The following ADGRD1 variants were observed in gnomAD, a reference collection of about 807,000 sequenced individuals.
The protein encoded by ADGRD1 is G-protein coupled receptor 133.
Under a neutral mutation model 113.4 loss-of-function variants are expected in ADGRD1, and 77 were observed. That is an observed-to-expected ratio of 0.68 (90% confidence interval 0.57 to 0.82). The LOEUF (loss-of-function observed/expected upper bound fraction) is 0.82, where lower values mean the gene tolerates loss of function less well. ADGRD1 is among the 40% of genes least tolerant of loss of function. The probability of loss-of-function intolerance (pLI) is 0.00; values close to 1 mark genes in which losing one functional copy is unlikely to be tolerated. For missense variants in ADGRD1, 1,036 were observed against 1,139.1 expected (o/e 0.91, Z 1.30); for synonymous variants, 474 against 475.0 (o/e 1.00, Z 0.03).
chr12:131,047,546 A>G (rs990837718), intron 13 of ADGRD1, among the ~76,000 whole-genome samples: 2 of 152,220 alleles, frequency 1.3e-5, no homozygotes, highest in African/African-American at 4.8e-5. Context: ...AGGCAGTGAC[A>G]TAATGTGCAA....
chr12:130,987,158 A>G lies in ADGRD1; in HGVS notation c.554A>G (p.Asn185Ser). Residue 185 changes from asparagine to serine, a missense_variant, in exon 6 of 25, where the codon AAC becomes AGC. Coordinates refer to ENST00000261654, the MANE Select transcript of ADGRD1 (RefSeq NM_198827.5). ...KSKEGLKVYV[N>S]GTLSTSDPSG... ...AAGGAGGGCCTGAAAGTCTACGTCA[A>G]CGGGACCCTGAGCACCTCTGATCCG... 2 of 1,614,122 alleles carry G rather than the reference A, an allele frequency of 1.2e-6. No individual in the cohort carries two copies. Among genetic ancestry groups the G allele is most frequent in the East Asian group, 2.2e-5 (1 of 44,890 alleles).
intron 8 of ADGRD1, chr12:130,994,363 A>T (rs1874909311): frequency 2.9e-6 from 1 of 340,932 alleles, no homozygotes; most frequent in Non-Finnish European, 6.2e-6. Context: ...GTTAGCACTT[A>T]GTAAACACTC....
chr12:130,968,180 G>A (rs987220633), intron 3 of ADGRD1: 1 of 152,116 alleles, frequency 6.6e-6, no homozygotes, highest in African/African-American at 2.4e-5. Context: ...GTAACTCTTG[G>A]TGCTTTGAAA....
At chr12:130,986,338 A>G (rs1873673080) in intron 5 of ADGRD1, among the ~76,000 whole-genome samples, 1 of 152,178 alleles carries the variant, frequency 6.6e-6, no homozygotes. Flanking sequence ...TCAGAGTTAT[A>G]TAGTTTTCTT....
chr12:130,983,473 A>C (rs146172951), intron 5 of ADGRD1, among the ~76,000 whole-genome samples: 218 of 152,270 alleles, frequency 1.4e-3, no homozygotes, highest in African/African-American at 4.0e-3. Context: ...TAAGCAGCTT[A>C]TCTCTCTGCT....
chr12:130,971,256 TTAA>T lies in ADGRD1; in HGVS notation c.188-197_188-195del, dbSNP rs1299305196. 6 of 264,322 alleles carry T rather than the reference TTAA, an allele frequency of 2.3e-5. No individual in the cohort carries two copies. The South Asian group carries it at 3.0e-4, about 13-fold the overall frequency. The allele number at this position is 264,322 out of a possible 1,614,324, so 16.4% of individuals were successfully genotyped here. On this transcript the variant is annotated intron_variant, in intron 3 of 24. Coordinates refer to ENST00000261654, the MANE Select transcript of ADGRD1 (RefSeq NM_198827.5). The surrounding 1 kb of genome is among the most constrained non-coding windows in gnomAD (Gnocchi z 4.2). ...ATTAAATTTTTATCTGACATACACA[TTAA>T]TAATTTACAATTTAATTACTAATAA...
chr12:131,067,616 G>A (rs1256458350), intron 13 of ADGRD1, among the ~76,000 whole-genome samples: 2 of 138,344 alleles, frequency 1.4e-5, no homozygotes, highest in Non-Finnish European at 3.2e-5. Flanking sequence ...ATGTCTGATC[G>A]CTGTGCCCCT....
intron 13 of ADGRD1, among the ~76,000 whole-genome samples, chr12:131,037,136 G>A (rs61936926): frequency 0.1 from 12,865 of 128,432 alleles, 1,012 homozygotes; most frequent in Non-Finnish European, 0.15. Flanking sequence ...TCACTGCACC[G>A]GGCCTCACTC....
chr12:131,083,944 T>C (rs1489170517), intron 14 of ADGRD1, among the ~76,000 whole-genome samples: 1 of 152,208 alleles, frequency 6.6e-6, no homozygotes, highest in Admixed American at 6.5e-5. Flanking sequence ...TCGTGGGAAG[T>C]GTGTGGTGCT....
intron 4 of ADGRD1, among the ~76,000 whole-genome samples, chr12:130,972,335 C>T (rs1336324513): frequency 2.6e-5 from 4 of 152,180 alleles, no homozygotes; most frequent in Admixed American, 6.5e-5. Context: ...AAGCTTAATG[C>T]AGTCCTCGTA....
At position 131,003,171 on chromosome 12, in the gene ADGRD1, T is replaced by C; in HGVS notation, c.1027-14T>C. On this transcript the variant is annotated splice_polypyrimidine_tract_variant and intron_variant, in intron 9 of 24. Transcript: ENST00000261654. This position sits in a 1 kb window ranked among gnomAD's most constrained non-coding sequence, Gnocchi z 4.8. ...GGTGGATTTTCATGGCTCCTGGTGC[T>C]TGTGTTGCTGCAGGACAGCGCCGTG... The C allele has an allele frequency of 1.9e-6, 3 of 1,596,442 alleles. No homozygotes were observed. The highest frequency in any genetic ancestry group is 2.6e-6 in the Non-Finnish European group (3 of 1,164,068).
chr12:131,105,849 G>A lies in ADGRD1; in HGVS notation c.1871G>A (p.Arg624His), dbSNP rs529404381. 4.3e-5 allele frequency: 69 copies of A among 1,598,866 alleles called. No homozygotes were observed. In the Middle Eastern group the frequency reaches 5.0e-4, roughly 11 times the overall value. Residue 624 changes from arginine (R) to histidine (H), a missense_variant, in exon 17 of 25, where the codon CGC (arginine) becomes CAC (histidine). Coordinates refer to ENST00000261654, the MANE Select transcript of ADGRD1 (RefSeq NM_198827.5). ...CAGGTCCTGCTGCTCATTAGTTTCCGCCTCGAGCCGGGCACGGTGAGTGGG... is the reference window on the plus strand; with the variant it reads ...CAGGTCCTGCTGCTCATTAGTTTCCACCTCGAGCCGGGCACGGTGAGTGGG... ...VAQVLLLISF[R>H]LEPGTTPCQV...
intron 20 of ADGRD1, among the ~76,000 whole-genome samples, 157 bp from the exon 21 acceptor site, chr12:131,131,568 C>T (rs1273009351): frequency 2.0e-5 from 3 of 152,210 alleles, no homozygotes; most frequent in Non-Finnish European, 2.9e-5. Flanking sequence ...TAAAAGCCCA[C>T]GGAACAGGGT....
At chr12:131,002,295 A>G (rs979046483) in intron 9 of ADGRD1, among the ~76,000 whole-genome samples, 3 of 152,264 alleles carry the variant, frequency 2.0e-5, no homozygotes, top group African/African-American at 7.2e-5. Flanking sequence ...GAATGCATGA[A>G]TCGGTCTCTA....
chr12:131,077,538 G>A (rs926306487), intron 14 of ADGRD1, among the ~76,000 whole-genome samples: 10 of 152,058 alleles, frequency 6.6e-5, no homozygotes, highest in African/African-American at 2.2e-4. Context: ...TCCTCTAGAC[G>A]TGAGCCCACC....
At position 131,124,763 on chromosome 12, in the gene ADGRD1, C is replaced by T. The variant is rs564420598; in HGVS notation, c.2175+3850C>T. Among the ~76,000 whole-genome samples the T allele has an allele frequency of 1.3e-4, 20 of 152,222 alleles. No homozygotes were observed. The South Asian group carries it at 4.2e-3, about 32-fold the overall frequency. ...CGGCTCTAACACACACTGCCCACTGCCCCTTCTCGAATTGTTCTTGGCTAT... is the reference window on the plus strand; with the variant it reads ...CGGCTCTAACACACACTGCCCACTGTCCCTTCTCGAATTGTTCTTGGCTAT... On this transcript the variant is annotated intron_variant, in intron 20 of 24. Coordinates refer to ENST00000261654, the MANE Select transcript of ADGRD1 (RefSeq NM_198827.5).
At chr12:130,989,200 T>C (rs928981921) in intron 6 of ADGRD1, 2 of 152,102 alleles carry the variant, frequency 1.3e-5, no homozygotes, top group African/African-American at 4.8e-5. Flanking sequence ...GGGTTTAGAG[T>C]TGTCACTTTG....
chr12:131,042,484 T>C (rs1273207191), intron 13 of ADGRD1, among the ~76,000 whole-genome samples: 1 of 152,222 alleles, frequency 6.6e-6, no homozygotes, highest in Non-Finnish European at 1.5e-5. Flanking sequence ...AGAAATTACA[T>C]GTGAGTTAAA....
At chr12:131,124,675 C>T (rs922731462) in intron 20 of ADGRD1, among the ~76,000 whole-genome samples, 2 of 105,640 alleles carry the variant, frequency 1.9e-5, no homozygotes, top group Non-Finnish European at 5.0e-5. Context: ...GCCCACCGCC[C>T]CTTCTCGAAT....
Sources: gnomAD v4.1 joint callset for allele counts (sites outside exome capture counted in the v4.1 genomes callset) on GRCh38, gnomAD v4.1.1 for gene constraint, Gnocchi (gnomAD v3.1) non-coding constraint, MANE v1.5 for transcripts, NCBI Gene and HGNC (gene_info 2026-07-23, HGNC 2026-07-21) for gene names.